Variants in TRAPPC9 observed in about 807,000 individuals in gnomAD.
TRAPPC9 encodes IKK2 binding protein.
A neutral mutation model predicts 124.0 loss-of-function variants in TRAPPC9; 83 were observed. The ratio of observed to expected loss-of-function variants is 0.67; its 90% CI spans 0.56 to 0.80. The LOEUF (loss-of-function observed/expected upper bound fraction) is 0.80. Ranked by LOEUF, TRAPPC9 falls within the 30% of genes least tolerant of loss-of-function variation. The pLI is 0.00. For synonymous variants in TRAPPC9, 638 were observed against 617.5 expected, an observed-to-expected ratio of 1.03 and a Z score of -0.49; for missense variants, 1,302 against 1,508.3, an observed-to-expected ratio of 0.86 and a Z score of 2.27.
intron 21 of TRAPPC9, among the ~76,000 whole-genome samples, chr8:139,802,858 G>A (rs749782096): frequency 1.3e-5 from 2 of 152,154 alleles, no homozygotes; most frequent in Admixed American, 6.5e-5. Flanking sequence ...GTATCTGAAG[G>A]TGCGTGTGTG....
chr8:139,964,295 G>A (rs1445511461), intron 19 of TRAPPC9, among the ~76,000 whole-genome samples: 3 of 150,792 alleles, frequency 2.0e-5, no homozygotes, highest in African/African-American at 7.3e-5. Context: ...CAGAGATGAT[G>A]TCTGGGAGAA....
At chr8:139,842,769 T>C (rs1826821196) in intron 21 of TRAPPC9, among the ~76,000 whole-genome samples, 1 of 152,220 alleles carries the variant, frequency 6.6e-6, no homozygotes, top group African/African-American at 2.4e-5. Flanking sequence ...CTGGCCATTG[T>C]GCTTCTGGGA....
chr8:140,310,667 C>T (rs1339806302), intron 10 of TRAPPC9, among the ~76,000 whole-genome samples: 1 of 152,108 alleles, frequency 6.6e-6, no homozygotes, highest in Non-Finnish European at 1.5e-5. Context: ...GAGCAGTGAG[C>T]AATGGGTGCC....
At chr8:140,352,488 G>C (rs779014179) in intron 9 of TRAPPC9, among the ~76,000 whole-genome samples, 1 of 152,128 alleles carries the variant, frequency 6.6e-6, no homozygotes, top group African/African-American at 2.4e-5. Flanking sequence ...ACGAGGAACT[G>C]GCAGCCTAAT....
intron 17 of TRAPPC9, among the ~76,000 whole-genome samples, chr8:140,037,746 C>G (rs1461729150): frequency 6.7e-6 from 1 of 150,122 alleles, no homozygotes; most frequent in Non-Finnish European, 1.5e-5. Context: ...CCCACACACA[C>G]ACACCCCACA....
chr8:139,770,139 C>T (rs535431737), intron 21 of TRAPPC9, among the ~76,000 whole-genome samples: 1 of 152,356 alleles, frequency 6.6e-6, no homozygotes, highest in South Asian at 2.1e-4. Context: ...CTGCAGGTCT[C>T]TTCAGGACCC....
intron 16 of TRAPPC9, among the ~76,000 whole-genome samples, chr8:140,228,680 C>G (rs1468378476): frequency 6.6e-6 from 1 of 152,202 alleles, no homozygotes; most frequent in Non-Finnish European, 1.5e-5. Context: ...TAACTACCAG[C>G]TGAACACGTG....
At chr8:139,750,437 C>G (rs1424987850) in intron 21 of TRAPPC9, among the ~76,000 whole-genome samples, 1 of 152,200 alleles carries the variant, frequency 6.6e-6, no homozygotes, top group Non-Finnish European at 1.5e-5. Context: ...GGCTGCCGCC[C>G]CTTTGTATTT....
chr8:140,403,961 C>CA (rs1420100573), intron 6 of TRAPPC9, among the ~76,000 whole-genome samples: 90 of 150,862 alleles, frequency 6.0e-4, no homozygotes, highest in Middle Eastern at 3.4e-3. Context: ...TGTACCATGC[C>CA]AAAAAAAACA....
Position 140,435,199 on chromosome 8 carries a change from AG to A in TRAPPC9, c.771del (p.Tyr258IlefsTer66). 6.2e-7 allele frequency: 1 copy of A among 1,614,008 alleles called. No homozygotes were observed. Among genetic ancestry groups the A allele is most frequent in the Non-Finnish European group, 8.5e-7 (1 of 1,179,990 alleles). ...CTCTTCCCACCAGTTCCACCAGGAT[AG>A]TGATAGATGACAGAAGCTGAACACA... ...EGLCSASVIY[H>X]YPGGTGGKSG... On this transcript the variant is annotated frameshift_variant, in exon 4 of 23. Coordinates refer to ENST00000438773, the MANE Select transcript of TRAPPC9 (RefSeq NM_001160372.4). LOFTEE classifies it high-confidence loss of function.
chr8:139,769,442 G>T (rs1298999515), intron 21 of TRAPPC9, among the ~76,000 whole-genome samples: 2 of 152,168 alleles, frequency 1.3e-5, no homozygotes, highest in Non-Finnish European at 2.9e-5. Flanking sequence ...GGAGATGCAG[G>T]GCATGACGGG....
At chr8:139,938,347 C>G (rs556730489) in intron 19 of TRAPPC9, among the ~76,000 whole-genome samples, 3 of 152,072 alleles carry the variant, frequency 2.0e-5, no homozygotes, top group Non-Finnish European at 4.4e-5. Context: ...TGCAGTGGCG[C>G]GATCTCAGCT....
At chr8:140,230,651 G>A (rs997957688) in intron 16 of TRAPPC9, among the ~76,000 whole-genome samples, 1 of 152,086 alleles carries the variant, frequency 6.6e-6, no homozygotes, top group African/African-American at 2.4e-5. Flanking sequence ...ACACACGCCT[G>A]TAATCCCAGC....
intron 9 of TRAPPC9, among the ~76,000 whole-genome samples, chr8:140,326,363 T>C (rs1427887166): frequency 1.3e-5 from 2 of 152,190 alleles, no homozygotes; most frequent in Non-Finnish European, 2.9e-5. Context: ...GATTTGGTGA[T>C]GCAGAGGCAG....
chr8:139,928,407 G>A (rs1053068964), intron 19 of TRAPPC9, among the ~76,000 whole-genome samples: 3 of 151,978 alleles, frequency 2.0e-5, no homozygotes, highest in African/African-American at 4.8e-5. Flanking sequence ...CAGGAGAATC[G>A]CTTGAACCCA....
At chr8:139,851,907 T>C (rs1327830140) in intron 21 of TRAPPC9, among the ~76,000 whole-genome samples, 1 of 152,100 alleles carries the variant, frequency 6.6e-6, no homozygotes, top group Admixed American at 6.5e-5. Context: ...ACGGACTGGC[T>C]GTGCATCCCA....
chr8:140,089,740 G>A (rs563567093), intron 17 of TRAPPC9, among the ~76,000 whole-genome samples: 1 of 152,240 alleles, frequency 6.6e-6, no homozygotes, highest in East Asian at 1.9e-4. Flanking sequence ...TCCCGCACTT[G>A]ATAGATGAGT....
In TRAPPC9 at chr8:140,284,039, CT is replaced by C. The variant is rs755771223; in HGVS notation, c.1982-19del. ...ATGGTAACCTGGAATAGAAAAGGAA[CT>C]TCTTCACTCCACTGGCAAGGCTTTG... On this transcript the variant is annotated intron_variant, in intron 13 of 22. Coordinates refer to ENST00000438773, the MANE Select transcript of TRAPPC9 (RefSeq NM_001160372.4). 2.5e-6 allele frequency: 4 copies of C among 1,613,840 alleles called. No individual in the cohort carries two copies. The Admixed American group carries it at 6.7e-5, about 27-fold the overall frequency.
chr8:139,783,727 T>G (rs57256859), intron 21 of TRAPPC9, among the ~76,000 whole-genome samples: 5,831 of 152,258 alleles, frequency 0.038, 392 homozygotes, highest in African/African-American at 0.13. Context: ...CTTATAAACA[T>G]AGATTAAAAC....
Sources: allele counts gnomAD v4.1 joint callset (sites outside exome capture counted in the v4.1 genomes callset), GRCh38; gene constraint gnomAD v4.1.1; transcripts MANE v1.5; gene names NCBI Gene and HGNC (gene_info 2026-07-23, HGNC 2026-07-21).